PBRM1: variants seen among roughly 807,000 people sequenced by gnomAD.
The protein encoded by PBRM1 is protein polybromo-1.
Under a neutral mutation model 194.5 loss-of-function variants are expected in PBRM1, and 27 were observed. The observed-to-expected ratio is 0.14, with a 90% CI of 0.10 to 0.19. The LOEUF (loss-of-function observed/expected upper bound fraction) is 0.19. PBRM1 is among the 10% of genes least tolerant of loss of function. PBRM1 has a pLI of 1.00. For synonymous variants in PBRM1, 655 were observed against 693.2 expected (o/e 0.94, Z 0.87); for missense variants, 1,466 against 2,077.2 (o/e 0.71, Z 5.72).
intron 1 of PBRM1, 97 bp downstream of exon 2, chr3:52,679,477 G>A (rs1267841471): frequency 5.6e-6 from 6 of 1,067,712 alleles, no homozygotes; most frequent in Non-Finnish European, 8.2e-6. Context: ...TCTTAAAAAA[G>A]TGGAGATGCC....
exon 30 of PBRM1, chr3:52,548,124 C>T (rs2153307207): frequency 6.2e-7 from 1 of 1,610,928 alleles, no homozygotes; most frequent in Non-Finnish European, 8.5e-7. Flanking sequence ...CATCAAATCT[C>T]GAAGGCGCCA....
chr3:52,590,440 A>G (rs897454562), intron 17 of PBRM1, among the ~76,000 whole-genome samples: 5 of 151,642 alleles, frequency 3.3e-5, no homozygotes, highest in Admixed American at 6.6e-5. Context: ...TGGGTGACAG[A>G]GCAATACTCC....
chr3:52,594,287 A>G (rs1268861794), intron 17 of PBRM1, among the ~76,000 whole-genome samples: 3 of 152,122 alleles, frequency 2.0e-5, no homozygotes, highest in African/African-American at 7.2e-5. Flanking sequence ...ATTATTTAGG[A>G]TAAGTCTTCT....
upstream of PBRM1, among the ~76,000 whole-genome samples, chr3:52,680,729 C>A (rs2154071634): frequency 6.6e-6 from 1 of 152,174 alleles, no homozygotes; most frequent in East Asian, 1.9e-4. Context: ...ACGATCTCTG[C>A]TCACTGCAAC....
intron 5 of PBRM1, among the ~76,000 whole-genome samples, chr3:52,652,947 G>T (rs141381994): frequency 2.6e-5 from 4 of 152,084 alleles, no homozygotes; most frequent in Non-Finnish European, 4.4e-5. Flanking sequence ...GCAGTGAGCC[G>T]AGATCACGCC....
intron 17 of PBRM1, among the ~76,000 whole-genome samples, chr3:52,600,206 G>A (rs533593861): frequency 3.3e-5 from 5 of 152,226 alleles, no homozygotes; most frequent in African/African-American, 1.2e-4. Context: ...GTAACTGGAT[G>A]TCTAAATTTC....
chr3:52,664,056 T>C (rs1234695802), intron 3 of PBRM1, among the ~76,000 whole-genome samples: 1 of 145,358 alleles, frequency 6.9e-6, no homozygotes, highest in Non-Finnish European at 1.5e-5. Flanking sequence ...CCAGACTCCG[T>C]CTCAAAAAAA....
chr3:52,638,987 G>GT (rs1491387195), intron 10 of PBRM1, among the ~76,000 whole-genome samples: 5 of 81,300 alleles, frequency 6.2e-5, no homozygotes, highest in Non-Finnish European at 1.3e-4. Flanking sequence ...ATTTTTTTTT[G>GT]GGGGGGGGGG....
chr3:52,592,427 TGG>T (rs2093176228), intron 17 of PBRM1, among the ~76,000 whole-genome samples: 1 of 151,934 alleles, frequency 6.6e-6, no homozygotes, highest in African/African-American at 2.4e-5. Context: ...CCACCACACC[TGG>T]CTGTCTTTAG....
rs188035729 is a variant in PBRM1 at position 52,646,784 on chromosome 3, G to A, written c.813+1560C>T. Among the ~76,000 whole-genome samples, 172 of 152,256 alleles carry A rather than the reference G, an allele frequency of 1.1e-3. 1 individual carries two copies. The highest frequency in any genetic ancestry group is 4.0e-3 in the African/African-American group (165 of 41,548). On this transcript the variant is annotated intron_variant, in intron 7 of 29. Coordinates refer to ENST00000296302, the Ensembl canonical transcript of PBRM1. ...CAAACTGGATCAAAGATCTAAGTAC[G>A]TTAAGAGCTAAACTATAAACTTCTT...
chr3:52,671,476 T>C (rs1204344736), intron 2 of PBRM1, among the ~76,000 whole-genome samples: 3 of 152,216 alleles, frequency 2.0e-5, no homozygotes, highest in South Asian at 2.1e-4. Flanking sequence ...ATGCTGCTAC[T>C]CTATACCACA....
chr3:52,660,626 C>T (rs1393703553), intron 4 of PBRM1, among the ~76,000 whole-genome samples: 1 of 152,050 alleles, frequency 6.6e-6, no homozygotes, highest in Admixed American at 6.6e-5. Flanking sequence ...GATTCTCCTG[C>T]CTCAGCCTCC....
intron 11 of PBRM1, among the ~76,000 whole-genome samples, chr3:52,634,262 C>T (rs1028020626): frequency 1.3e-5 from 2 of 151,744 alleles, no homozygotes; most frequent in Admixed American, 6.6e-5. Flanking sequence ...AGTGGTGAAA[C>T]CCAGTCTCTA....
Position 52,609,873 on chromosome 3 carries a change from T to G in PBRM1, c.2007A>C (p.Val669=), listed in dbSNP as rs1446813151. 1 of 1,593,076 alleles carries G rather than the reference T, an allele frequency of 6.3e-7. No homozygotes were observed. The highest frequency in any genetic ancestry group is 1.8e-5 in the Admixed American group (1 of 55,004). ...GACCCCTCTTATCAGTATAGTTCTTTACAGCTTCATAGACCTCATTTAGTT... is the reference window on the plus strand; with the variant it reads ...GACCCCTCTTATCAGTATAGTTCTTGACAGCTTCATAGACCTCATTTAGTT... The change falls in exon 16 of 30, where the codon GTA becomes GTC. Residue 669 remains valine (V), a synonymous_variant. Coordinates refer to ENST00000296302, the Ensembl canonical transcript of PBRM1. The surrounding 1 kb of genome is among the most constrained non-coding windows in gnomAD (Gnocchi z 4.1).
intron 2 of PBRM1, among the ~76,000 whole-genome samples, chr3:52,670,367 AT>A (rs1401932796): frequency 6.6e-6 from 1 of 152,246 alleles, no homozygotes; most frequent in Non-Finnish European, 1.5e-5. Context: ...ACAGAAAACC[AT>A]CAAAAGTAAG....
chr3:52,619,636 C>A (rs1307124407), intron 13 of PBRM1, among the ~76,000 whole-genome samples: 1 of 152,124 alleles, frequency 6.6e-6, no homozygotes, highest in Non-Finnish European at 1.5e-5. Context: ...ATTCCTCAGG[C>A]AAACTATATG....
At chr3:52,569,314 C>T (rs370481925) in intron 22 of PBRM1, among the ~76,000 whole-genome samples, 1 of 151,878 alleles carries the variant, frequency 6.6e-6, no homozygotes, top group Non-Finnish European at 1.5e-5. Context: ...CGGTTCACCC[C>T]CTTCTCCTGC....
At position 52,646,839 on chromosome 3, in the gene PBRM1, AT is replaced by A. The variant is rs541404791; in HGVS notation, c.813+1504del. On this transcript the variant is annotated intron_variant, in intron 7 of 29. Coordinates refer to ENST00000296302, the Ensembl canonical transcript of PBRM1. ...GAAAACATAGGTGTAAATCTTTGTG[AT>A]TTTGGATTAGGGAATGATTTATTTG... Among the ~76,000 whole-genome samples the A allele has an allele frequency of 4.0e-3, 610 of 152,302 alleles. 3 individuals are homozygous for A. Among genetic ancestry groups the A allele is most frequent in the South Asian group, 0.023 (110 of 4,834 alleles).
intron 29 of PBRM1, among the ~76,000 whole-genome samples, chr3:52,549,223 T>C (rs1162439266): frequency 2.0e-5 from 3 of 152,156 alleles, no homozygotes; most frequent in African/African-American, 7.2e-5. Flanking sequence ...TTTCACCATG[T>C]TGGCCAGGAT....
Sources: allele counts gnomAD v4.1 joint callset (sites outside exome capture counted in the v4.1 genomes callset), GRCh38; gene constraint gnomAD v4.1.1; non-coding constraint Gnocchi (gnomAD v3.1); transcripts MANE v1.5; gene names NCBI Gene and HGNC (gene_info 2026-07-23, HGNC 2026-07-21).